Variants in VWA2 observed in about 807,000 individuals in gnomAD.
VWA2 encodes von Willebrand factor A domain containing 2, also known as von Willebrand factor A domain-containing protein 2.
VWA2 carries 73 observed loss-of-function variants against 70.4 expected under a neutral mutation model. That is an observed-to-expected ratio of 1.04 (90% CI 0.86 to 1.26). The LOEUF is 1.26. VWA2 is among the 50% of genes most tolerant of loss of function. The pLI, the probability that VWA2 is intolerant of heterozygous loss-of-function variation, is 0.00. For synonymous variants in VWA2, 407 were observed against 423.3 expected, an observed-to-expected ratio of 0.96 and a Z score of 0.47; for missense variants, 1,011 against 998.5, an observed-to-expected ratio of 1.01 and a Z score of -0.17.
At chr10:114,260,234 A>G (rs541370669) in intron 4 of VWA2, among the ~76,000 whole-genome samples, 1 of 152,276 alleles carries the variant, frequency 6.6e-6, no homozygotes, top group South Asian at 2.1e-4. Context: ...AAGACACGCT[A>G]GTGCCTTAAG....
intron 11 of VWA2, among the ~76,000 whole-genome samples, chr10:114,288,603 C>T (rs1589834206): frequency 6.6e-6 from 1 of 152,340 alleles, no homozygotes; most frequent in East Asian, 1.9e-4. Flanking sequence ...CACCATTTCT[C>T]AGCCAGCAGG....
At chr10:114,280,145 C>T (rs149962615) in intron 8 of VWA2, among the ~76,000 whole-genome samples, 16 of 152,198 alleles carry the variant, frequency 1.1e-4, no homozygotes, top group Admixed American at 6.5e-4. Context: ...TGAGAACAGG[C>T]GGTGATTTAA....
At chr10:114,252,340 A>G (rs1238336689) in intron 2 of VWA2, among the ~76,000 whole-genome samples, 1 of 152,098 alleles carries the variant, frequency 6.6e-6, no homozygotes, top group Non-Finnish European at 1.5e-5. Context: ...CTCCATGAGT[A>G]GAGATTGAGG....
chr10:114,259,460 C>T (rs542642855), intron 4 of VWA2, among the ~76,000 whole-genome samples: 5 of 151,762 alleles, frequency 3.3e-5, no homozygotes, highest in Admixed American at 6.6e-5. Flanking sequence ...TATGTTTCGT[C>T]CCACAGAAGT....
chr10:114,286,187 C>T lies in VWA2; in HGVS notation c.1246C>T (p.Arg416Cys), dbSNP rs139209580. 201 of 1,614,040 alleles carry T rather than the reference C, an allele frequency of 1.2e-4. No homozygotes were observed. The East Asian group carries it at 1.6e-3, about 13-fold the overall frequency. Residue 416 changes from arginine (R) to cysteine (C), a missense_variant, in exon 11 of 14, where the codon CGT (arginine) becomes TGT (cysteine). Coordinates refer to ENST00000392982, the MANE Select transcript of VWA2 (RefSeq NM_001272046.2). ...CTGGAGCCTCGATGGCATTCCCTTC[C>T]GTGGTGGCCCCACCCTGACGGGCAG... ...LVWSLDGIPFRGGPTLTGSAL... is the reference protein window; with the variant it reads ...LVWSLDGIPFCGGPTLTGSAL...
chr10:114,246,027 C>T, intron 1 of VWA2: 1 of 608,598 alleles, frequency 1.6e-6, no homozygotes, highest in Non-Finnish European at 3.2e-6. Flanking sequence ...CTCCATCCTC[C>T]AGGAGGACCA....
rs75585284 is a variant in VWA2, at chr10:114,266,770, C to T, written c.371+5475C>T. Among the ~76,000 whole-genome samples, 731 of 152,258 alleles carry T rather than the reference C, an allele frequency of 4.8e-3. 4 individuals are homozygous for T. The highest frequency in any genetic ancestry group is 0.017 in the African/African-American group (702 of 41,532). ...GTTTACTGTGACTGAATTTTTTGGA[C>T]TCCCTCCATAGCTTTGTCTCCACTT... On this transcript the variant is annotated intron_variant, in intron 5 of 13. Coordinates refer to ENST00000392982, the MANE Select transcript of VWA2 (RefSeq NM_001272046.2).
At chr10:114,264,714 C>T (rs1004782608) in intron 5 of VWA2, among the ~76,000 whole-genome samples, 17 of 149,526 alleles carry the variant, frequency 1.1e-4, no homozygotes, top group African/African-American at 4.0e-4. Context: ...CCACTGTGCT[C>T]GGCCAACTTT....
At chr10:114,240,411 G>C (rs183273584) in intron 1 of VWA2, among the ~76,000 whole-genome samples, 1 of 152,228 alleles carries the variant, frequency 6.6e-6, no homozygotes, top group Non-Finnish European at 1.5e-5. Flanking sequence ...CTTGCTGCTT[G>C]TGATTGTGGA....
At chr10:114,246,837 T>C in intron 1 of VWA2, 5 of 818,414 alleles carry the variant, frequency 6.1e-6, no homozygotes, top group South Asian at 2.8e-5. Context: ...ACAAGAAATA[T>C]TTGTTTTACT....
intron 10 of VWA2, 102 bp from the exon 11 acceptor site, chr10:114,285,837 C>T (rs1486338848): frequency 3.1e-6 from 4 of 1,282,334 alleles, no homozygotes; most frequent in Non-Finnish European, 4.2e-6. Context: ...CACAGTTTCT[C>T]TGCACCATCT....
intron 2 of VWA2, 130 bp from the exon 3 acceptor site, chr10:114,253,521 C>T: frequency 1.3e-6 from 1 of 767,238 alleles, no homozygotes; most frequent in Non-Finnish European, 2.2e-6. Context: ...TTTTGAGATG[C>T]AAGAATCATC....
intron 1 of VWA2, among the ~76,000 whole-genome samples, chr10:114,243,509 T>C (rs2037010013): frequency 6.6e-6 from 1 of 152,218 alleles, no homozygotes; most frequent in Non-Finnish European, 1.5e-5. Context: ...ACCTCTGATT[T>C]TAGTCTTCCC....
At chr10:114,266,228 C>A (rs1482845168) in intron 5 of VWA2, among the ~76,000 whole-genome samples, 1 of 151,798 alleles carries the variant, frequency 6.6e-6, no homozygotes, top group East Asian at 1.9e-4. Context: ...ACCCAGGAGG[C>A]AGAGCTTGCA....
At chr10:114,282,446 A>G in intron 8 of VWA2, 70 bp from the exon 9 acceptor site, 1 of 1,258,470 alleles carries the variant, frequency 7.9e-7, no homozygotes, top group South Asian at 1.2e-5. Context: ...GGTGTTGTAA[A>G]TCATCTTCTG....
At chr10:114,281,751 GCT>G in intron 8 of VWA2, 3 of 985,324 alleles carry the variant, frequency 3.0e-6, no homozygotes, top group Non-Finnish European at 2.4e-6. Context: ...CTCCTTCAGT[GCT>G]CTTCTCTCCC....
intron 2 of VWA2, 46 bp from the exon 3 acceptor site, chr10:114,253,605 C>T (rs2037253756): frequency 6.5e-7 from 1 of 1,547,128 alleles, no homozygotes; most frequent in African/African-American, 1.4e-5. Context: ...TGAGCCTCCT[C>T]CCCTCTCAGC....
At chr10:114,282,739 A>G (rs575536764) in intron 9 of VWA2, among the ~76,000 whole-genome samples, 168 bp downstream of exon 9, 4 of 152,296 alleles carry the variant, frequency 2.6e-5, no homozygotes, top group South Asian at 2.1e-4. Flanking sequence ...GACTCCCTCA[A>G]TGGTGTTTGC....
intron 5 of VWA2, among the ~76,000 whole-genome samples, chr10:114,269,716 A>C (rs148428454): frequency 1.8e-4 from 28 of 152,338 alleles, no homozygotes. Context: ...ATGGGGAACA[A>C]GCACTTTTTC....
Sources: gnomAD v4.1 joint callset for allele counts (sites outside exome capture counted in the v4.1 genomes callset) on GRCh38, gnomAD v4.1.1 for gene constraint, MANE v1.5 for transcripts, NCBI Gene and HGNC (gene_info 2026-07-23, HGNC 2026-07-21) for gene names.